The following SIMC1 variants were observed in gnomAD, a reference collection of about 807,000 sequenced individuals.
The protein encoded by SIMC1 is SUMO-interacting motif-containing protein 1.
A neutral mutation model predicts 82.3 loss-of-function variants in SIMC1; 55 were observed. The observed-to-expected ratio is 0.67, with a 90% CI of 0.54 to 0.84. SIMC1 has a LOEUF of 0.84. Ranked by LOEUF, SIMC1 falls within the 40% of genes least tolerant of loss-of-function variation. SIMC1 has a pLI of 0.00. For missense variants in SIMC1, 915 were observed against 1,107.2 expected (o/e 0.83, Z 2.46); for synonymous variants, 353 against 426.3 (o/e 0.83, Z 2.12).
chr5:176,287,722 A>G (rs1438018324), intron 1 of SIMC1, among the ~76,000 whole-genome samples: 1 of 151,892 alleles, frequency 6.6e-6, no homozygotes, highest in Non-Finnish European at 1.5e-5. Flanking sequence ...AAGAAAAAAA[A>G]AATCCTAAGG....
chr5:176,335,039 G>C (rs966092813), intron 7 of SIMC1, among the ~76,000 whole-genome samples: 1 of 151,736 alleles, frequency 6.6e-6, no homozygotes, highest in African/African-American at 2.4e-5. Context: ...GGAGGTTGCA[G>C]TGAGCTGAGA....
chr5:176,243,931 A>T (rs963539666), intron 1 of SIMC1, among the ~76,000 whole-genome samples: 4 of 125,558 alleles, frequency 3.2e-5, no homozygotes, highest in African/African-American at 1.3e-4. Context: ...ATGAAAAGGG[A>T]TGCTAACTGG....
At chr5:176,257,319 T>A (rs957987154) in intron 1 of SIMC1, among the ~76,000 whole-genome samples, 26 of 152,120 alleles carry the variant, frequency 1.7e-4, no homozygotes, top group African/African-American at 5.1e-4. Flanking sequence ...AAATTTTTTT[T>A]AATTAAAAAA....
intron 1 of SIMC1, among the ~76,000 whole-genome samples, chr5:176,255,094 T>A (rs1272433855): frequency 6.6e-6 from 1 of 151,410 alleles, no homozygotes; most frequent in Non-Finnish European, 1.5e-5. Flanking sequence ...CTGGCCAACA[T>A]GGTGAAACAC....
At chr5:176,293,516 T>G (rs759556394) in intron 2 of SIMC1, among the ~76,000 whole-genome samples, 5 of 150,258 alleles carry the variant, frequency 3.3e-5, no homozygotes, top group Non-Finnish European at 5.9e-5. Context: ...GCCAAGACAG[T>G]CTTGATCACT....
At chr5:176,327,599 C>T (rs1473447211) in intron 7 of SIMC1, among the ~76,000 whole-genome samples, 2 of 152,270 alleles carry the variant, frequency 1.3e-5, no homozygotes, top group East Asian at 3.9e-4. Flanking sequence ...TCTTGCCATA[C>T]TGCATAGGCT....
chr5:176,260,243 T>C (rs1761970853), intron 1 of SIMC1, among the ~76,000 whole-genome samples: 1 of 152,070 alleles, frequency 6.6e-6, no homozygotes, highest in South Asian at 2.1e-4. Context: ...TCGTATGTTC[T>C]CCCTCATAAG....
intron 5 of SIMC1, among the ~76,000 whole-genome samples, chr5:176,314,945 T>G (rs1308406510): frequency 6.6e-6 from 1 of 152,220 alleles, no homozygotes; most frequent in Admixed American, 6.5e-5. Context: ...TTTGCCCAAC[T>G]GTAAGCTGTC....
At chr5:176,291,961 C>T (rs1293399432) in intron 2 of SIMC1, among the ~76,000 whole-genome samples, 13 of 152,120 alleles carry the variant, frequency 8.5e-5, no homozygotes, top group Non-Finnish European at 1.9e-4. Context: ...GAGGCTGAGG[C>T]AGGAGAATCA....
At chr5:176,321,674 G>A (rs1302358064) in intron 5 of SIMC1, among the ~76,000 whole-genome samples, 1 of 152,042 alleles carries the variant, frequency 6.6e-6, no homozygotes, top group East Asian at 1.9e-4. Flanking sequence ...TGTATAAAGT[G>A]TGATTCCACT....
chr5:176,344,452 C>T (rs1259595486), intron 9 of SIMC1, among the ~76,000 whole-genome samples: 3 of 146,694 alleles, frequency 2.0e-5, no homozygotes, highest in Admixed American at 7.0e-5. Context: ...TTGCGGATCA[C>T]TTGAGGTCAG....
intron 1 of SIMC1, among the ~76,000 whole-genome samples, chr5:176,272,565 C>T (rs1381231739): frequency 6.6e-6 from 1 of 152,196 alleles, no homozygotes; most frequent in Non-Finnish European, 1.5e-5. Context: ...TGAGGTTCAT[C>T]TCACTGGGGC....
At chr5:176,312,129 T>C (rs921951705) in intron 4 of SIMC1, among the ~76,000 whole-genome samples, 2 of 152,220 alleles carry the variant, frequency 1.3e-5, no homozygotes, top group Non-Finnish European at 2.9e-5. Flanking sequence ...CCTATTTCTT[T>C]AGAGATGTTT....
chr5:176,305,503 G>A (rs1313974571), intron 4 of SIMC1, among the ~76,000 whole-genome samples: 2 of 122,856 alleles, frequency 1.6e-5, no homozygotes, highest in African/African-American at 6.4e-5. Flanking sequence ...CCCTCAGCCC[G>A]GCCAGCCACC....
chr5:176,251,890 G>C (rs551792125), intron 1 of SIMC1, among the ~76,000 whole-genome samples: 223 of 149,806 alleles, frequency 1.5e-3, no homozygotes, highest in South Asian at 2.6e-3. Flanking sequence ...GAGAGCACAG[G>C]GTTGGGGGTA....
chr5:176,265,956 A>G (rs1762193639), intron 1 of SIMC1, among the ~76,000 whole-genome samples: 1 of 152,180 alleles, frequency 6.6e-6, no homozygotes, highest in Non-Finnish European at 1.5e-5. Context: ...AAAATGCCTC[A>G]TGATATGTGC....
chr5:176,315,009 T>C (rs943985680), intron 5 of SIMC1, among the ~76,000 whole-genome samples: 2 of 152,168 alleles, frequency 1.3e-5, no homozygotes, highest in Admixed American at 1.3e-4. Context: ...GTTCGGTAGA[T>C]TGGGTGCATT....
chr5:176,258,160 T>C (rs545839124), intron 1 of SIMC1, among the ~76,000 whole-genome samples: 4 of 152,364 alleles, frequency 2.6e-5, no homozygotes, highest in South Asian at 2.1e-4. Flanking sequence ...TGTTTCGATT[T>C]TGAATGACTA....
At chr5:176,269,121 A>G (rs1449618099) in intron 1 of SIMC1, among the ~76,000 whole-genome samples, 1 of 152,190 alleles carries the variant, frequency 6.6e-6, no homozygotes, top group Non-Finnish European at 1.5e-5. Flanking sequence ...TTTAAATGTT[A>G]ATGTTAGAAA....
Sources: allele counts gnomAD v4.1 joint callset (sites outside exome capture counted in the v4.1 genomes callset), GRCh38; gene constraint gnomAD v4.1.1; transcripts MANE v1.5; gene names NCBI Gene and HGNC (gene_info 2026-07-23, HGNC 2026-07-21).